RAPGEF2: variants seen among roughly 807,000 people sequenced by gnomAD.
The protein encoded by RAPGEF2 is PDZ domain containing guanine nucleotide exchange factor (GEF) 1.
A neutral mutation model predicts 186.7 loss-of-function variants in RAPGEF2; 54 were observed. That is an observed-to-expected ratio of 0.29 (90% CI 0.23 to 0.36). RAPGEF2 has a LOEUF of 0.36. Ranked by LOEUF, RAPGEF2 falls within the 10% of genes least tolerant of loss-of-function variation. RAPGEF2 has a pLI of 1.00. For missense variants in RAPGEF2, 1,532 were observed against 2,045.0 expected (o/e 0.75, Z 4.84); for synonymous variants, 712 against 705.9 (o/e 1.01, Z -0.14).
chr4:159,104,522 G>GAC (rs1560964733), intron 1 of RAPGEF2, among the ~76,000 whole-genome samples: 8 of 126,750 alleles, frequency 6.3e-5, no homozygotes, highest in African/African-American at 2.4e-4. Flanking sequence ...GAGAGAGAGA[G>GAC]AGAGGGAGAG....
chr4:159,166,743 A>G lies in RAPGEF2; in HGVS notation c.70-19899A>G, dbSNP rs368104912. On this transcript the variant is annotated intron_variant, in intron 1 of 29. Coordinates refer to ENST00000691494, the MANE Select transcript of RAPGEF2 (RefSeq NM_001394067.2). ...CATATATACATTAAAAAAACCGACAATAAAAATGAACATATGAAAACTTCC... is the reference window on the plus strand; with the variant it reads ...CATATATACATTAAAAAAACCGACAGTAAAAATGAACATATGAAAACTTCC... Among the ~76,000 whole-genome samples, 36 of 152,340 alleles carry G rather than the reference A, an allele frequency of 2.4e-4. No homozygotes were observed. In the East Asian group the frequency reaches 5.4e-3, roughly 23 times the overall value.
At chr4:159,142,266 T>A (rs908924199) in intron 1 of RAPGEF2, among the ~76,000 whole-genome samples, 6 of 152,246 alleles carry the variant, frequency 3.9e-5, no homozygotes, top group Non-Finnish European at 7.3e-5. Flanking sequence ...AATGGATTTA[T>A]AGCTTTGTCA....
chr4:159,166,985 C>T (rs7656697), intron 1 of RAPGEF2, among the ~76,000 whole-genome samples: 85,969 of 151,858 alleles, frequency 0.57, 24,454 homozygotes, highest in Admixed American at 0.61. Context: ...GTAGGGCAAC[C>T]GCCTAAAAAA....
intron 1 of RAPGEF2, among the ~76,000 whole-genome samples, chr4:159,168,809 T>G (rs2111241483): frequency 6.6e-6 from 1 of 152,338 alleles, no homozygotes; most frequent in South Asian, 2.1e-4. Flanking sequence ...ATAATTGCTT[T>G]GTAGGTAGCT....
intron 1 of RAPGEF2, among the ~76,000 whole-genome samples, chr4:159,168,476 G>A (rs1398142409): frequency 6.6e-6 from 1 of 151,556 alleles, no homozygotes; most frequent in Non-Finnish European, 1.5e-5. Flanking sequence ...TTGCAAAGGA[G>A]GCAGACTAGA....
chr4:159,333,304 T>G (rs1014955792), intron 17 of RAPGEF2, among the ~76,000 whole-genome samples: 3 of 152,264 alleles, frequency 2.0e-5, no homozygotes, highest in Admixed American at 2.0e-4. Flanking sequence ...TAAAAGCGTG[T>G]GTTTGCCTCC....
At chr4:159,267,626 C>A in intron 7 of RAPGEF2, 1 of 621,668 alleles carries the variant, frequency 1.6e-6, no homozygotes, top group Non-Finnish European at 2.2e-6. Flanking sequence ...TTCTTTTTTT[C>A]TCTTGGTTGG....
Position 159,237,842 on chromosome 4 carries a change from T to TAA in RAPGEF2, c.282-939_282-938dup, listed in dbSNP as rs58593781. On this transcript the variant is annotated intron_variant, in intron 4 of 29. Coordinates refer to ENST00000691494, the MANE Select transcript of RAPGEF2 (RefSeq NM_001394067.2). Reference sequence around the variant, plus strand: ...AGCTAGACTTTGTCTCTACAAAAATTAAAAAAAAAAAAAAAAAAAAAAAAA... The same window carrying TAA: ...AGCTAGACTTTGTCTCTACAAAAATTAAAAAAAAAAAAAAAAAAAAAAAAAAA... Among the ~76,000 whole-genome samples, 208 of 66,918 alleles carry TAA rather than the reference T, an allele frequency of 3.1e-3. 14 individuals are homozygous for TAA. Among genetic ancestry groups the TAA allele is most frequent in the African/African-American group, 9.9e-3 (181 of 18,228 alleles). The allele number at this position is 66,918 out of a possible 152,430, so 43.9% of individuals were successfully genotyped here.
intron 2 of RAPGEF2, 69 bp from the exon 3 acceptor site, chr4:159,193,131 T>G (rs1268825305): frequency 3.0e-5 from 26 of 868,404 alleles, no homozygotes; most frequent in Non-Finnish European, 3.7e-5. Flanking sequence ...ATGTGTCATT[T>G]AAGGGTTTAA....
intron 1 of RAPGEF2, among the ~76,000 whole-genome samples, chr4:159,141,531 A>AG (rs1489949406): frequency 6.6e-6 from 1 of 152,090 alleles, no homozygotes; most frequent in East Asian, 1.9e-4. Context: ...GCTTTTTGTG[A>AG]GTAGATGCAT....
chr4:159,344,179 G>A, intron 23 of RAPGEF2, 120 bp downstream of exon 23: 1 of 1,038,956 alleles, frequency 9.6e-7, no homozygotes, highest in Non-Finnish European at 1.5e-6. Context: ...TAACCCTCGT[G>A]CTGTAGCAGA....
rs1200755643 is a variant in RAPGEF2, at chr4:159,145,547, CAT to C, written c.70-41094_70-41093del. Among the ~76,000 whole-genome samples the C allele has an allele frequency of 2.0e-4, 30 of 152,174 alleles. No homozygotes were observed. The South Asian group carries it at 4.8e-3, about 24-fold the overall frequency. On this transcript the variant is annotated intron_variant, in intron 1 of 29. Transcript: ENST00000691494. The stretch of plus-strand genomic sequence containing the variant: ...ACATTTGCCAAAAACATTGCCAAAA[CAT>C]GTGATCTATATAACAGCCTATTGAG...
chr4:159,318,014 C>T (rs1472640343), intron 9 of RAPGEF2, among the ~76,000 whole-genome samples: 1 of 151,508 alleles, frequency 6.6e-6, no homozygotes, highest in Non-Finnish European at 1.5e-5. Context: ...CTCTAGAAAG[C>T]AGCAGCCATA....
intron 4 of RAPGEF2, among the ~76,000 whole-genome samples, chr4:159,221,036 G>A (rs1056581392): frequency 6.6e-5 from 10 of 152,196 alleles, no homozygotes; most frequent in African/African-American, 2.2e-4. Flanking sequence ...AAGCGTATGA[G>A]AAATTGATAT....
intron 5 of RAPGEF2, among the ~76,000 whole-genome samples, chr4:159,240,807 GTTTTT>G (rs373635263): frequency 7.5e-6 from 1 of 132,976 alleles, no homozygotes; most frequent in Admixed American, 7.5e-5. Context: ...TTCCATCAGG[GTTTTT>G]TTTTTTTTTT....
chr4:159,264,488 C>T (rs1271037327), intron 7 of RAPGEF2, among the ~76,000 whole-genome samples: 1 of 152,162 alleles, frequency 6.6e-6, no homozygotes, highest in Admixed American at 6.5e-5. Flanking sequence ...TGTTTTGGCA[C>T]ATGGATATGT....
At chr4:159,300,127 G>C (rs1305797479) in intron 7 of RAPGEF2, among the ~76,000 whole-genome samples, 1 of 150,632 alleles carries the variant, frequency 6.6e-6, no homozygotes, top group Admixed American at 6.6e-5. Context: ...TACTTATAAA[G>C]TATTACTTTA....
chr4:159,254,042 A>T (rs1432229193), intron 7 of RAPGEF2, among the ~76,000 whole-genome samples: 1 of 152,250 alleles, frequency 6.6e-6, no homozygotes, highest in African/African-American at 2.4e-5. Flanking sequence ...TGTACATTGT[A>T]ACAAAAGTGC....
chr4:159,122,065 C>T (rs983231961), intron 1 of RAPGEF2, among the ~76,000 whole-genome samples: 15 of 123,666 alleles, frequency 1.2e-4, no homozygotes, highest in African/African-American at 4.0e-4. Context: ...AAAAAAAATA[C>T]AGGTTATGGA....
Sources: gnomAD v4.1 joint callset for allele counts (sites outside exome capture counted in the v4.1 genomes callset) on GRCh38, gnomAD v4.1.1 for gene constraint, MANE v1.5 for transcripts, NCBI Gene and HGNC (gene_info 2026-07-23, HGNC 2026-07-21) for gene names.